DIAPH1: variants seen among roughly 807,000 people sequenced by gnomAD.
DIAPH1 encodes protein diaphanous homolog 1.
In DIAPH1, 46 loss-of-function variants were observed where a neutral mutation model predicts 140.7. The observed-to-expected ratio is 0.33, with a 90% CI of 0.26 to 0.42. The LOEUF is 0.42. Among genes scored for constraint, DIAPH1 ranks in the 10% least tolerant of loss-of-function variants. The pLI, the probability that DIAPH1 is intolerant of heterozygous loss-of-function variation, is 1.00. For missense variants in DIAPH1, 1,310 were observed against 1,558.7 expected, an observed-to-expected ratio of 0.84 and a Z score of 2.69; for synonymous variants, 565 against 551.6, an observed-to-expected ratio of 1.02 and a Z score of -0.34.
At position 141,528,540 on chromosome 5, in the gene DIAPH1, G is replaced by T; in HGVS notation, c.3061C>A (p.His1021Asn). 1.9e-6 allele frequency: 3 copies of T among 1,614,210 alleles called. No individual in the cohort carries two copies. The highest frequency in any genetic ancestry group is 2.2e-5 in the East Asian group (1 of 44,878). The change falls in exon 23 of 28, where the codon CAC (histidine) becomes AAC (asparagine). Residue 1021 changes from histidine (H) to asparagine (N), a missense_variant. His to Asn is a moderately conservative substitution (Grantham distance 68). This residue lies in a region of DIAPH1 where 344 missense variants were observed against 512.2 expected (regional missense o/e 0.67). Coordinates refer to ENST00000389054, the MANE Select transcript of DIAPH1 (RefSeq NM_005219.5). The stretch of plus-strand genomic sequence containing the variant: ...TTCTCACACAACTCAGCCAAGAAGT[G>T]TAACAACGTCATCTTCTGATCTGTG... ...KSTDQKMTLL[H>N]FLAELCENDY...
At chr5:141,573,347 A>C in intron 16 of DIAPH1, 145 bp downstream of exon 16, 1 of 956,438 alleles carries the variant, frequency 1.0e-6, no homozygotes, top group Non-Finnish European at 1.6e-6. Context: ...AGGCAGGAGA[A>C]TGGCGTGAAC....
intron 16 of DIAPH1, among the ~76,000 whole-genome samples, chr5:141,572,600 G>A (rs1462942136): frequency 6.6e-6 from 1 of 152,110 alleles, no homozygotes; most frequent in East Asian, 1.9e-4. Context: ...AGGAGTTCGA[G>A]AGCAGCCAGA....
chr5:141,588,111 T>G (rs1301818458), intron 2 of DIAPH1, 113 bp downstream of exon 2: 2 of 867,346 alleles, frequency 2.3e-6, no homozygotes, highest in East Asian at 2.5e-5. Flanking sequence ...AGATACTGAG[T>G]AGAAGCCATA....
intron 14 of DIAPH1, 94 bp from the exon 15 acceptor site, chr5:141,575,240 G>T: frequency 1.5e-6 from 2 of 1,325,246 alleles, no homozygotes; most frequent in Non-Finnish European, 2.2e-6. Context: ...CTCCTCTTTT[G>T]CCTGGGGGTG....
At position 141,516,783 on chromosome 5, in the gene DIAPH1, A is replaced by G; in HGVS notation, c.*68T>C. On this transcript the variant is annotated 3_prime_UTR_variant, in exon 28 of 28. Coordinates refer to ENST00000389054, the MANE Select transcript of DIAPH1 (RefSeq NM_005219.5). Reference sequence around the variant, plus strand: ...CAGAGGAATATCCCCTTGAGCCTTTAGGCACATGCTGCAGGGCAGGACAGT... The same window carrying G: ...CAGAGGAATATCCCCTTGAGCCTTTGGGCACATGCTGCAGGGCAGGACAGT... The G allele has an allele frequency of 6.3e-7, 1 of 1,589,314 alleles. No individual in the cohort carries two copies. The highest frequency in any genetic ancestry group is 1.3e-5 in the African/African-American group (1 of 74,506).
chr5:141,576,862 G>A lies in DIAPH1; in HGVS notation c.1290C>T (p.Tyr430=), dbSNP rs1470875436. ...AAATACATTCTTCAATCAACTTATA[G>A]TACTGAGGTCTACAAGAGAATAAAA... is the stretch of plus-strand genomic sequence containing the variant. The part of the protein sequence containing the change: ...VRNDYEARPQ[Y]YKLIEECISQ... The change falls in exon 13 of 28, where the codon TAC becomes TAT. Residue 430 remains tyrosine (Y), a synonymous_variant. Transcript: ENST00000389054. 1 of 1,590,718 alleles carries A rather than the reference G, an allele frequency of 6.3e-7. No individual in the cohort carries two copies. The highest frequency in any genetic ancestry group is 8.6e-7 in the Non-Finnish European group (1 of 1,158,730).
intron 1 of DIAPH1, among the ~76,000 whole-genome samples, chr5:141,610,192 A>T (rs2099901590): frequency 6.6e-6 from 1 of 152,006 alleles, no homozygotes; most frequent in Non-Finnish European, 1.5e-5. Context: ...CAAGGGTGAC[A>T]TGATGTATGG....
At chr5:141,551,535 G>A (rs1596358789) in intron 18 of DIAPH1, among the ~76,000 whole-genome samples, 1 of 152,032 alleles carries the variant, frequency 6.6e-6, no homozygotes, top group Admixed American at 6.6e-5. Context: ...CACACACAGA[G>A]AGAGAAAAGG....
intron 18 of DIAPH1, among the ~76,000 whole-genome samples, chr5:141,555,609 C>G (rs971680627): frequency 6.6e-6 from 1 of 152,136 alleles, no homozygotes; most frequent in Non-Finnish European, 1.5e-5. Flanking sequence ...GTCCCTCACC[C>G]TAAAAACAAC....
In DIAPH1 at chr5:141,527,699, T is replaced by TAAAAAA. The variant is rs79558427; in HGVS notation, c.3149-8_3149-3dup. On this transcript the variant is annotated splice_polypyrimidine_tract_variant and splice_region_variant and intron_variant, in intron 23 of 27. Transcript: ENST00000389054. ...TCTTTTGCAAGTTTTCAGCAGAAAC[T>TAAAAAA]AAAAAAAAAAAAAAAAAAAAAAACC... 574 of 1,131,060 alleles carry TAAAAAA rather than the reference T, an allele frequency of 5.1e-4. No homozygotes were observed. The highest frequency in any genetic ancestry group is 6.8e-4 in the Middle Eastern group (2 of 2,932). 70.1% of individuals were successfully genotyped at this position (1,131,060 alleles called of 1,614,324 possible). A position where few individuals can be genotyped will look rare whatever the true frequency, so the allele number is the denominator to read the frequency against.
At chr5:141,587,003 G>A (rs772690629) in intron 3 of DIAPH1, 39 bp downstream of exon 3, 15 of 1,611,450 alleles carry the variant, frequency 9.3e-6, no homozygotes, top group Admixed American at 1.7e-5. Context: ...GTCCATAAAT[G>A]CACAGGAAGA....
intron 21 of DIAPH1, 42 bp from the exon 22 acceptor site, chr5:141,528,983 G>T: frequency 6.2e-7 from 1 of 1,613,506 alleles, no homozygotes; most frequent in Admixed American, 1.7e-5. Context: ...TCAAAAGAGG[G>T]GGAAGTCAGA....
rs753600371 is a variant in DIAPH1, at chr5:141,574,012, G to C, written c.1838C>G (p.Pro613Arg). The change falls in exon 16 of 28, where the codon CCT becomes CGT. Residue 613 changes from proline (P) to arginine (R), a missense_variant. Physicochemically the swap from Pro to Arg is moderately radical, Grantham distance 103 (BLOSUM62 -2). This residue lies in a region of DIAPH1 where 589 missense variants were observed against 549.3 expected (regional missense o/e 1.07). Coordinates refer to ENST00000389054, the MANE Select transcript of DIAPH1 (RefSeq NM_005219.5). ...GDSTTPPPPP[P>R]PPPPPPPLPG... is the part of the protein sequence containing the mutation. ...CAAAGGAGGTGGAGGAGGAGGAGGA[G>C]GAGGAGGAGGAGGAGGAGTGGTACT... 1 of 1,558,262 alleles carries C rather than the reference G, an allele frequency of 6.4e-7. No homozygotes were observed.
At chr5:141,552,473 G>A (rs2099891851) in intron 18 of DIAPH1, among the ~76,000 whole-genome samples, 3 of 152,134 alleles carry the variant, frequency 2.0e-5, no homozygotes, top group South Asian at 4.1e-4. Context: ...TAAAGATTGA[G>A]GAAGGGACCA....
In DIAPH1 at chr5:141,601,065, C is replaced by T. The variant is rs184109659; in HGVS notation, c.118-12815G>A. On this transcript the variant is annotated intron_variant, in intron 1 of 27. Coordinates refer to ENST00000389054, the MANE Select transcript of DIAPH1 (RefSeq NM_005219.5). ...ACACAAGGTGGGCAACATCACACACCGGGGCCTGTTGTGGGATGGGGGGAG... is the reference window on the plus strand; with the variant it reads ...ACACAAGGTGGGCAACATCACACACTGGGGCCTGTTGTGGGATGGGGGGAG... 2.9e-3 allele frequency among the ~76,000 whole-genome samples: 445 copies of T among 151,814 alleles called. 1 individual carries two copies. Among genetic ancestry groups the T allele is most frequent in the Admixed American group, 0.021 (319 of 15,228 alleles).
chr5:141,573,986 G>A lies in DIAPH1; in HGVS notation c.1864C>T (p.Pro622Ser). The change falls in exon 16 of 28, where the codon CCT (proline) becomes TCT (serine). Residue 622 changes from proline to serine, a missense_variant. This residue lies in a region of DIAPH1 where 589 missense variants were observed against 549.3 expected (regional missense o/e 1.07). Transcript: ENST00000389054. ...GGTGAGGAGATGCAAACACCCCCAG[G>A]CAAAGGAGGTGGAGGAGGAGGAGGA... is the stretch of plus-strand genomic sequence containing the variant. Reference protein sequence around the residue: ...PPPPPPPPPLPGGVCISSPPS... With the variant: ...PPPPPPPPPLSGGVCISSPPS... 6.4e-7 allele frequency: 1 copy of A among 1,551,804 alleles called. No homozygotes were observed. The highest frequency in any genetic ancestry group is 8.7e-7 in the Non-Finnish European group (1 of 1,148,372).
rs568485688 is a variant in DIAPH1, at chr5:141,589,698, T to C, written c.118-1448A>G. On this transcript the variant is annotated intron_variant, in intron 1 of 27. Coordinates refer to ENST00000389054, the MANE Select transcript of DIAPH1 (RefSeq NM_005219.5). ...GGGACAAAGCAGCTTCTGGGGTGTT[T>C]ATGATATTCTGTATCTTGACATGGA... Among the ~76,000 whole-genome samples the C allele has an allele frequency of 3.9e-5, 6 of 152,250 alleles. No individual in the cohort carries two copies. In the South Asian group the frequency reaches 1.2e-3, roughly 32 times the overall value.
Position 141,573,792 on chromosome 5 carries a change from TCTAGCACTC to T in DIAPH1, c.2049_2057del (p.Ser684_Arg686del). 1 of 1,183,264 alleles carries T rather than the reference TCTAGCACTC, an allele frequency of 8.5e-7. No homozygotes were observed. Among genetic ancestry groups the T allele is most frequent in the Non-Finnish European group, 1.1e-6 (1 of 906,736 alleles). 73.3% of individuals were successfully genotyped at this position (1,183,264 alleles called of 1,614,324 possible). A position where few individuals can be genotyped will look rare whatever the true frequency, so the allele number is the denominator to read the frequency against. On this transcript the variant is annotated inframe_deletion, in exon 16 of 28. Transcript: ENST00000389054. ...GCAAAGGAGGTGGTGGTGGGGGGATTCTAGCACTCCCAGGCAAAGGAGGAGGTGGGGGGA... is the reference window on the plus strand; with the variant it reads ...GCAAAGGAGGTGGTGGTGGGGGGATTCCAGGCAAAGGAGGAGGTGGGGGGA...
At chr5:141,596,265 A>AGTGAGCC in intron 1 of DIAPH1, among the ~76,000 whole-genome samples, 1 of 152,010 alleles carries the variant, frequency 6.6e-6, no homozygotes. Flanking sequence ...CCCGGGAGGC[A>AGTGAGCC]GAGGTTGCAG....
Sources: allele counts gnomAD v4.1 joint callset (sites outside exome capture counted in the v4.1 genomes callset), GRCh38; gene constraint gnomAD v4.1.1; regional missense constraint gnomAD v4.1.1; transcripts MANE v1.5; gene names NCBI Gene and HGNC (gene_info 2026-07-23, HGNC 2026-07-21).